The following LUZP2 variants were observed in gnomAD, a reference collection of about 807,000 sequenced individuals.
LUZP2 encodes the protein leucine zipper protein 2.
LUZP2 carries 52 observed loss-of-function variants against 51.6 expected under a neutral mutation model. That is an observed-to-expected ratio of 1.01 (90% CI 0.81 to 1.27). The LOEUF is 1.27. Among genes scored for constraint, LUZP2 ranks in the 50% most tolerant of loss-of-function variants. The probability of loss-of-function intolerance (pLI) is 0.00; values close to 1 mark genes in which losing one functional copy is unlikely to be tolerated. For synonymous variants in LUZP2, 154 were observed against 137.3 expected (o/e 1.12, Z -0.85); for missense variants, 436 against 395.4 (o/e 1.10, Z -0.87).
chr11:24,537,756 A>G (rs999909231), intron 1 of LUZP2, among the ~76,000 whole-genome samples: 15 of 151,912 alleles, frequency 9.9e-5, no homozygotes, highest in Non-Finnish European at 1.6e-4. Context: ...CCTTTTGCAT[A>G]TATTATTATA....
chr11:25,074,540 A>G (rs533945504), intron 10 of LUZP2, among the ~76,000 whole-genome samples: 9 of 152,318 alleles, frequency 5.9e-5, no homozygotes, highest in African/African-American at 2.2e-4. Context: ...TTGTGCTAGC[A>G]TTAATGAAAT....
chr11:24,547,473 CTATT>C (rs1472184538), intron 1 of LUZP2, among the ~76,000 whole-genome samples: 1 of 151,908 alleles, frequency 6.6e-6, no homozygotes, highest in East Asian at 1.9e-4. Flanking sequence ...GGGTAAAGGA[CTATT>C]TATTCAATAA....
At chr11:24,741,084 G>T (rs1328906251) in intron 4 of LUZP2, among the ~76,000 whole-genome samples, 1 of 151,956 alleles carries the variant, frequency 6.6e-6, no homozygotes, top group Non-Finnish European at 1.5e-5. Flanking sequence ...ATATTCAATT[G>T]TTCATACTTT....
chr11:24,910,689 A>C (rs1315427944), intron 6 of LUZP2, among the ~76,000 whole-genome samples: 1 of 152,226 alleles, frequency 6.6e-6, no homozygotes, highest in Non-Finnish European at 1.5e-5. Context: ...ATGTCCAGGC[A>C]GAAATGTCCT....
chr11:24,844,896 T>C (rs952488309), intron 5 of LUZP2, among the ~76,000 whole-genome samples: 1 of 152,192 alleles, frequency 6.6e-6, no homozygotes, highest in African/African-American at 2.4e-5. Context: ...TTCAGATGTA[T>C]GGAAATGTCT....
At chr11:24,806,582 C>A (rs1484040041) in intron 5 of LUZP2, among the ~76,000 whole-genome samples, 1 of 151,948 alleles carries the variant, frequency 6.6e-6, no homozygotes, top group African/African-American at 2.4e-5. Flanking sequence ...ATAAAATTCT[C>A]ACTACAAAGA....
intron 1 of LUZP2, among the ~76,000 whole-genome samples, chr11:24,537,730 C>A: frequency 6.6e-6 from 1 of 151,876 alleles, no homozygotes; most frequent in African/African-American, 2.4e-5. Flanking sequence ...AAGCCTTTTA[C>A]AATTTTTTAC....
At chr11:24,733,781 A>C (rs1333142040) in intron 3 of LUZP2, among the ~76,000 whole-genome samples, 1 of 151,762 alleles carries the variant, frequency 6.6e-6, no homozygotes, top group African/African-American at 2.4e-5. Context: ...AGAGACCAAG[A>C]GATGCTGAAA....
At chr11:24,888,235 CT>C (rs1050494010) in intron 5 of LUZP2, among the ~76,000 whole-genome samples, 2 of 152,070 alleles carry the variant, frequency 1.3e-5, no homozygotes, top group Admixed American at 6.6e-5. Context: ...CTACTTGGTT[CT>C]TGCCTGTTTT....
intron 5 of LUZP2, among the ~76,000 whole-genome samples, chr11:24,901,439 A>G (rs1853280351): frequency 6.6e-6 from 1 of 152,124 alleles, no homozygotes; most frequent in Non-Finnish European, 1.5e-5. Flanking sequence ...ATTATAGAAA[A>G]GAATATACAC....
intron 1 of LUZP2, among the ~76,000 whole-genome samples, chr11:24,658,850 G>A (rs1855911587): frequency 6.6e-6 from 1 of 152,206 alleles, no homozygotes; most frequent in Admixed American, 6.5e-5. Flanking sequence ...TCAGAGAAAT[G>A]CAAATCAAAA....
chr11:24,663,014 A>C (rs1856072888), intron 1 of LUZP2, among the ~76,000 whole-genome samples: 1 of 152,108 alleles, frequency 6.6e-6, no homozygotes, highest in Admixed American at 6.6e-5. Context: ...AAATAATAAT[A>C]ATATGAATAA....
intron 1 of LUZP2, among the ~76,000 whole-genome samples, chr11:24,520,052 T>C (rs1168041909): frequency 6.6e-6 from 1 of 152,218 alleles, no homozygotes; most frequent in Admixed American, 6.5e-5. Flanking sequence ...AGAAGCTACA[T>C]AGCTATGTGA....
intron 7 of LUZP2, among the ~76,000 whole-genome samples, chr11:24,923,978 CCT>C (rs1854151819): frequency 6.6e-6 from 1 of 151,944 alleles, no homozygotes; most frequent in African/African-American, 2.4e-5. Flanking sequence ...GTTATTCTAC[CCT>C]CTCTTTCTTC....
At chr11:25,049,323 A>T (rs369907665) in intron 9 of LUZP2, among the ~76,000 whole-genome samples, 47 of 152,200 alleles carry the variant, frequency 3.1e-4, no homozygotes, top group African/African-American at 1.1e-3. Flanking sequence ...ACCAATATTC[A>T]AATTAGCTCT....
At chr11:24,703,845 AAACAAACAAAAAAAACG>A (rs1857489931) in intron 1 of LUZP2, among the ~76,000 whole-genome samples, 1 of 93,594 alleles carries the variant, frequency 1.1e-5, no homozygotes, top group Admixed American at 1.2e-4. Flanking sequence ...AAAAACAAAC[AAACAAACAAAAAAAACG>A]AACAAAAAAA....
At chr11:24,747,426 C>A (rs1383517622) in intron 4 of LUZP2, among the ~76,000 whole-genome samples, 6 of 152,086 alleles carry the variant, frequency 3.9e-5, no homozygotes, top group Non-Finnish European at 8.8e-5. Context: ...GCTGTGGATA[C>A]CAGCACCTGT....
chr11:24,619,334 C>A (rs1215856470), intron 1 of LUZP2, among the ~76,000 whole-genome samples: 2 of 152,072 alleles, frequency 1.3e-5, no homozygotes, highest in Admixed American at 1.3e-4. Context: ...CTGCCAGAGG[C>A]CAACTTAGCA....
intron 10 of LUZP2, among the ~76,000 whole-genome samples, chr11:25,053,611 G>T (rs1316196325): frequency 6.7e-6 from 1 of 149,962 alleles, no homozygotes; most frequent in Non-Finnish European, 1.5e-5. Context: ...CAAAAACATG[G>T]TTTCTTTTTG....
Sources: allele counts gnomAD v4.1 joint callset (sites outside exome capture counted in the v4.1 genomes callset), GRCh38; gene constraint gnomAD v4.1.1; transcripts MANE v1.5; gene names NCBI Gene and HGNC (gene_info 2026-07-23, HGNC 2026-07-21).